Variants in PLCE1 observed in about 807,000 individuals in gnomAD.
PLCE1 encodes the protein 1-phosphatidylinositol 4,5-bisphosphate phosphodiesterase epsilon-1.
PLCE1 carries 119 observed loss-of-function variants against 242.8 expected under a neutral mutation model. The ratio of observed to expected loss-of-function variants is 0.49; its 90% CI spans 0.42 to 0.57. The LOEUF (loss-of-function observed/expected upper bound fraction) is 0.57, where lower values mean the gene tolerates loss of function less well. Ranked by LOEUF, PLCE1 falls within the 20% of genes least tolerant of loss-of-function variation. PLCE1 has a pLI of 0.00. For synonymous variants in PLCE1, 945 were observed against 1,017.4 expected (o/e 0.93, Z 1.35); for missense variants, 2,441 against 2,788.8 (o/e 0.88, Z 2.81).
At chr10:94,046,452 C>T (rs1318432453) in intron 2 of PLCE1, among the ~76,000 whole-genome samples, 2 of 152,212 alleles carry the variant, frequency 1.3e-5, no homozygotes, top group African/African-American at 2.4e-5. Context: ...AACATCAGCA[C>T]TGCAAGGGCC....
At chr10:94,212,847 T>C (rs1166129078) in intron 4 of PLCE1, among the ~76,000 whole-genome samples, 1 of 152,238 alleles carries the variant, frequency 6.6e-6, no homozygotes, top group Non-Finnish European at 1.5e-5. Context: ...AGAATATTTA[T>C]TGAGCATCTA....
chr10:94,308,699 G>A lies in PLCE1; in HGVS notation c.6003G>A (p.Ser2001=), dbSNP rs976739600. Residue 2001 remains serine (S), a splice_region_variant and synonymous_variant, in exon 27 of 33, where the codon TCG becomes TCA. Coordinates refer to ENST00000371380, the MANE Select transcript of PLCE1 (RefSeq NM_016341.4). ...CTGGCAATACCATGTCAGCCTCTTC[G>A]GTAATGAAGTTCTGTTTCACTCAAC... The part of the protein sequence containing the change: ...NSSGNTMSAS[S]MFNTEERKCL... The A allele has an allele frequency of 3.2e-6, 5 of 1,565,486 alleles. No homozygotes were observed. The highest frequency in any genetic ancestry group is 1.1e-5 in the South Asian group (1 of 90,022).
At chr10:94,196,524 G>A (rs1457202922) in intron 4 of PLCE1, among the ~76,000 whole-genome samples, 1 of 152,188 alleles carries the variant, frequency 6.6e-6, no homozygotes, top group African/African-American at 2.4e-5. Context: ...GGTGGCTTAT[G>A]CCTATAATTC....
chr10:94,015,198 A>C (rs2134310644), intron 1 of PLCE1, among the ~76,000 whole-genome samples: 1 of 152,330 alleles, frequency 6.6e-6, no homozygotes, highest in East Asian at 1.9e-4. Context: ...GTCTTGATAT[A>C]GTATAGGGGC....
intron 1 of PLCE1, among the ~76,000 whole-genome samples, chr10:94,023,539 A>G (rs2061409447): frequency 6.6e-6 from 1 of 152,170 alleles, no homozygotes. Flanking sequence ...TTAAAGTTAC[A>G]TTCTACTAAC....
At chr10:94,144,846 T>A (rs1204103386) in intron 3 of PLCE1, among the ~76,000 whole-genome samples, 1 of 152,206 alleles carries the variant, frequency 6.6e-6, no homozygotes. Flanking sequence ...GGGCACTCAC[T>A]GTGAGCTGGG....
chr10:94,053,151 G>A (rs747859585), intron 2 of PLCE1, among the ~76,000 whole-genome samples: 2 of 152,134 alleles, frequency 1.3e-5, no homozygotes, highest in Non-Finnish European at 1.5e-5. Flanking sequence ...AAGGAGTCCC[G>A]GCTCCACCGT....
chr10:94,273,788 C>A, intron 19 of PLCE1, 68 bp downstream of exon 19: 1 of 1,401,360 alleles, frequency 7.1e-7, no homozygotes, highest in Non-Finnish European at 1.0e-6. Flanking sequence ...TAACATCATT[C>A]TAACCTTTCA....
chr10:94,010,108 A>T (rs929599018), intron 1 of PLCE1, among the ~76,000 whole-genome samples: 12 of 152,158 alleles, frequency 7.9e-5, no homozygotes, highest in African/African-American at 1.7e-4. Flanking sequence ...CATCCTCTGA[A>T]ATCTAGGGGG....
In PLCE1 at chr10:94,160,919, C is replaced by G. The variant is rs1214856512; in HGVS notation, c.1493-10261C>G. 3.3e-5 allele frequency among the ~76,000 whole-genome samples: 5 copies of G among 152,188 alleles called. No individual in the cohort carries two copies. The East Asian group carries it at 9.6e-4, about 29-fold the overall frequency. On this transcript the variant is annotated intron_variant, in intron 3 of 32. Transcript: ENST00000371380. Reference sequence around the variant, plus strand: ...TTTGTCAAAGATCAGATAGTTGTAGCTAAGCAGCATTATTTCTGAGGGCTC... The same window carrying G: ...TTTGTCAAAGATCAGATAGTTGTAGGTAAGCAGCATTATTTCTGAGGGCTC...
intron 2 of PLCE1, among the ~76,000 whole-genome samples, chr10:94,058,589 C>T (rs867453101): frequency 6.6e-6 from 1 of 152,124 alleles, no homozygotes; most frequent in Non-Finnish European, 1.5e-5. Context: ...ATGTGTCTCC[C>T]TCCCTTCATT....
chr10:94,260,288 C>T (rs2051251969), intron 13 of PLCE1, among the ~76,000 whole-genome samples: 1 of 152,094 alleles, frequency 6.6e-6, no homozygotes, highest in Admixed American at 6.6e-5. Flanking sequence ...GATATATTTC[C>T]TACTGTATAA....
intron 2 of PLCE1, among the ~76,000 whole-genome samples, chr10:94,046,437 C>T (rs2061885409): frequency 1.3e-5 from 2 of 152,198 alleles, no homozygotes; most frequent in African/African-American, 2.4e-5. Context: ...ACCCCAGGCT[C>T]ATAAAACATC....
At chr10:94,230,119 G>A (rs2050091804) in intron 5 of PLCE1, among the ~76,000 whole-genome samples, 1 of 152,102 alleles carries the variant, frequency 6.6e-6, no homozygotes, top group Admixed American at 6.6e-5. Flanking sequence ...TATGGACATT[G>A]TACATTTTGC....
chr10:94,283,929 G>C lies in PLCE1; in HGVS notation c.4917+18G>C. On this transcript the variant is annotated intron_variant, in intron 21 of 32. Coordinates refer to ENST00000371380, the MANE Select transcript of PLCE1 (RefSeq NM_016341.4). Reference sequence around the variant, plus strand: ...AAGGAAAGGTGGGTGAACGGTTTCTGTTAAATGACACTTTGACCATGTGGT... The same window carrying C: ...AAGGAAAGGTGGGTGAACGGTTTCTCTTAAATGACACTTTGACCATGTGGT... 1 of 1,607,722 alleles carries C rather than the reference G, an allele frequency of 6.2e-7. No individual in the cohort carries two copies.
intron 3 of PLCE1, among the ~76,000 whole-genome samples, chr10:94,158,918 G>GCAAT (rs886766378): frequency 7.3e-6 from 1 of 136,396 alleles, no homozygotes; most frequent in African/African-American, 2.6e-5. Flanking sequence ...GTGCAATGGC[G>GCAAT]CAATCTCAGC....
At chr10:94,313,090 C>T (rs771278869) in intron 27 of PLCE1, among the ~76,000 whole-genome samples, 164 bp from the exon 28 acceptor site, 17 of 151,994 alleles carry the variant, frequency 1.1e-4, no homozygotes, top group Non-Finnish European at 2.2e-4. Flanking sequence ...CACTAAATGA[C>T]TGAGGAAGAG....
At chr10:94,135,972 T>G (rs2046758136) in intron 3 of PLCE1, among the ~76,000 whole-genome samples, 1 of 152,158 alleles carries the variant, frequency 6.6e-6, no homozygotes, top group Non-Finnish European at 1.5e-5. Context: ...AACGAGATGT[T>G]TATAAATGGT....
chr10:94,023,183 A>C (rs756380628), intron 1 of PLCE1, among the ~76,000 whole-genome samples: 9 of 152,132 alleles, frequency 5.9e-5, no homozygotes, highest in Non-Finnish European at 1.0e-4. Context: ...GAGTCAACAG[A>C]GTTAGAAAAT....
Sources: allele counts gnomAD v4.1 joint callset (sites outside exome capture counted in the v4.1 genomes callset), GRCh38; gene constraint gnomAD v4.1.1; transcripts MANE v1.5; gene names NCBI Gene and HGNC (gene_info 2026-07-23, HGNC 2026-07-21).